The following CBFB variants were observed in gnomAD, a reference collection of about 807,000 sequenced individuals.
CBFB encodes the protein CBF-beta.
CBFB carries 9 observed loss-of-function variants against 30.4 expected under a neutral mutation model. The observed-to-expected ratio is 0.30, with a 90% CI of 0.18 to 0.52. The LOEUF (loss-of-function observed/expected upper bound fraction) is 0.52. Among genes scored for constraint, CBFB ranks in the 20% least tolerant of loss-of-function variants. The pLI is 0.97. For synonymous variants in CBFB, 94 were observed against 84.0 expected (o/e 1.12, Z -0.65); for missense variants, 170 against 244.0 (o/e 0.70, Z 2.02).
chr16:67,088,185 G>A (rs1023896433), intron 5 of CBFB, among the ~76,000 whole-genome samples: 1 of 152,174 alleles, frequency 6.6e-6, no homozygotes, highest in African/African-American at 2.4e-5. Context: ...TCACATAGGG[G>A]AGTTTGGGGT....
intron 5 of CBFB, among the ~76,000 whole-genome samples, chr16:67,087,254 T>C (rs989172061): frequency 1.3e-5 from 2 of 152,214 alleles, no homozygotes; most frequent in African/African-American, 4.8e-5. Context: ...AAACTCTAGA[T>C]TAATTGACTA....
chr16:67,094,295 G>C (rs1253904968), intron 5 of CBFB, among the ~76,000 whole-genome samples: 1 of 151,806 alleles, frequency 6.6e-6, no homozygotes, highest in African/African-American at 2.4e-5. Context: ...CTTCATCACA[G>C]TGTCTTTCCT....
intron 3 of CBFB, among the ~76,000 whole-genome samples, chr16:67,051,205 G>A (rs1039982962): frequency 6.6e-6 from 1 of 151,988 alleles, no homozygotes; most frequent in Non-Finnish European, 1.5e-5. Context: ...GTACATTTTA[G>A]GAATAATAAT....
At chr16:67,077,977 A>C (rs928075822) in intron 4 of CBFB, among the ~76,000 whole-genome samples, 1 of 152,266 alleles carries the variant, frequency 6.6e-6, no homozygotes, top group Non-Finnish European at 1.5e-5. Context: ...ACAGACTAGT[A>C]GTATAACAAG....
chr16:67,043,949 C>T (rs1966578658), intron 3 of CBFB, among the ~76,000 whole-genome samples: 1 of 152,198 alleles, frequency 6.6e-6, no homozygotes, highest in Non-Finnish European at 1.5e-5. Context: ...CCAAAATGTT[C>T]TTAATTCTTT....
Position 67,099,699 on chromosome 16 carries a change from C to T in CBFB, c.*921C>T. 1 of 205,340 alleles carries T rather than the reference C, an allele frequency of 4.9e-6. No individual in the cohort carries two copies. The highest frequency in any genetic ancestry group is 7.4e-5 in the East Asian group (1 of 13,462). The allele number at this position is 205,340 out of a possible 1,614,324, so 12.7% of individuals were successfully genotyped here. On this transcript the variant is annotated 3_prime_UTR_variant, in exon 6 of 6. Coordinates refer to ENST00000412916, the MANE Select transcript of CBFB (RefSeq NM_022845.3). ...GTCACAGGCTGGCTTCTGTTTTATT[C>T]AGGGATTTTTTTAAAAAGTCAATCA... is the stretch of plus-strand genomic sequence containing the variant.
chr16:67,040,454 G>A (rs1966511253), intron 3 of CBFB, among the ~76,000 whole-genome samples: 1 of 152,198 alleles, frequency 6.6e-6, no homozygotes, highest in African/African-American at 2.4e-5. Context: ...TGGGCATGTT[G>A]TTTAATCATT....
At position 67,095,210 on chromosome 16, in the gene CBFB, CAAA is replaced by C. The variant is rs71145959; in HGVS notation, c.496-3476_496-3474del. ...AGGCAACAAGAGCAAAAGTGTGTCTCAAAAAAAAAAAAAAAAAAAAAAAAAAGG... is the reference window on the plus strand; with the variant it reads ...AGGCAACAAGAGCAAAAGTGTGTCTCAAAAAAAAAAAAAAAAAAAAAAAGG... On this transcript the variant is annotated intron_variant, in intron 5 of 5. Coordinates refer to ENST00000412916, the MANE Select transcript of CBFB (RefSeq NM_022845.3). Among the ~76,000 whole-genome samples, 161 of 27,086 alleles carry C rather than the reference CAAA, an allele frequency of 5.9e-3. 1 individual carries two copies. In the Admixed American group the frequency reaches 0.066, roughly 11 times the overall value. 17.8% of individuals were successfully genotyped at this position (27,086 alleles called of 152,430 possible).
intron 3 of CBFB, among the ~76,000 whole-genome samples, chr16:67,050,541 T>A (rs1303617199): frequency 6.6e-6 from 1 of 152,050 alleles, no homozygotes; most frequent in African/African-American, 2.4e-5. Flanking sequence ...ACAGCTATAA[T>A]CTCAATGTTT....
chr16:67,097,924 G>C (rs529909832), intron 5 of CBFB, among the ~76,000 whole-genome samples: 1 of 152,270 alleles, frequency 6.6e-6, no homozygotes, highest in Non-Finnish European at 1.5e-5. Context: ...GGGCAACATA[G>C]CAAGACCCCA....
intron 3 of CBFB, among the ~76,000 whole-genome samples, chr16:67,038,208 A>G (rs888731305): frequency 6.6e-6 from 1 of 151,934 alleles, no homozygotes; most frequent in Non-Finnish European, 1.5e-5. Context: ...CATGAATAGC[A>G]TAACCTGCCA....
intron 4 of CBFB, among the ~76,000 whole-genome samples, chr16:67,070,836 G>C (rs946896213): frequency 2.6e-5 from 4 of 152,122 alleles, no homozygotes; most frequent in Admixed American, 6.6e-5. Context: ...GGGTGACAGA[G>C]CAAGACAAGA....
intron 5 of CBFB, among the ~76,000 whole-genome samples, chr16:67,097,156 C>T (rs547288573): frequency 2.0e-5 from 3 of 152,054 alleles, no homozygotes; most frequent in Admixed American, 1.3e-4. Flanking sequence ...TCGCTTGAGC[C>T]GGGGAGGCAG....
At chr16:67,073,327 CTA>C (rs1243589040) in intron 4 of CBFB, among the ~76,000 whole-genome samples, 1 of 152,176 alleles carries the variant, frequency 6.6e-6, no homozygotes, top group Non-Finnish European at 1.5e-5. Flanking sequence ...AAAGCTGTCT[CTA>C]TTTATGATTC....
chr16:67,093,219 C>A (rs528708036), intron 5 of CBFB, among the ~76,000 whole-genome samples: 3 of 152,266 alleles, frequency 2.0e-5, no homozygotes, highest in African/African-American at 7.2e-5. Flanking sequence ...GTGCTGTAAA[C>A]TGTAGGCGTG....
intron 2 of CBFB, among the ~76,000 whole-genome samples, chr16:67,032,227 T>C (rs1247656464): frequency 6.6e-6 from 1 of 152,122 alleles, no homozygotes; most frequent in Non-Finnish European, 1.5e-5. Context: ...CGCTTCCAAA[T>C]AATCTGATCC....
At chr16:67,063,206 G>A (rs993465316) in intron 3 of CBFB, among the ~76,000 whole-genome samples, 28 of 152,178 alleles carry the variant, frequency 1.8e-4, no homozygotes, top group African/African-American at 6.8e-4. Flanking sequence ...GTGTGGAAGG[G>A]AATGAGCACT....
chr16:67,066,949 A>G, intron 4 of CBFB, 151 bp downstream of exon 4: 1 of 484,124 alleles, frequency 2.1e-6, no homozygotes, highest in Non-Finnish European at 3.8e-6. Flanking sequence ...TTGATACTCA[A>G]ATTCTGATCC....
rs981970736 is a variant in CBFB, at chr16:67,100,167, A to G, written c.*1389A>G. On this transcript the variant is annotated 3_prime_UTR_variant, in exon 6 of 6. Coordinates refer to ENST00000412916, the MANE Select transcript of CBFB (RefSeq NM_022845.3). ...TTTATTAAATGTTACTACATTTCTG[A>G]ATTTTTGAAAAATGTATTTTATCAT... 2 of 210,732 alleles carry G rather than the reference A, an allele frequency of 9.5e-6. No homozygotes were observed. Among genetic ancestry groups the G allele is most frequent in the Non-Finnish European group, 1.9e-5 (2 of 103,746 alleles). The allele number at this position is 210,732 out of a possible 1,614,324, so 13.1% of individuals were successfully genotyped here.
Sources: allele counts gnomAD v4.1 joint callset (sites outside exome capture counted in the v4.1 genomes callset), GRCh38; gene constraint gnomAD v4.1.1; transcripts MANE v1.5; gene names NCBI Gene and HGNC (gene_info 2026-07-23, HGNC 2026-07-21).